Variants in PRUNE2 observed in about 807,000 individuals in gnomAD.
PRUNE2 encodes prune homolog 2 with BCH domain.
PRUNE2 carries 164 observed loss-of-function variants against 252.0 expected under a neutral mutation model. The observed-to-expected ratio is 0.65, with a 90% CI of 0.57 to 0.74. The LOEUF is 0.74. Among genes scored for constraint, PRUNE2 ranks in the 30% least tolerant of loss-of-function variants. The probability of loss-of-function intolerance (pLI) is 0.00; values close to 1 mark genes in which losing one functional copy is unlikely to be tolerated. For synonymous variants in PRUNE2, 1,292 were observed against 1,350.2 expected (o/e 0.96, Z 0.94); for missense variants, 3,495 against 3,711.0 (o/e 0.94, Z 1.51).
intron 9 of PRUNE2, among the ~76,000 whole-genome samples, chr9:76,674,627 C>T (rs2134025587): frequency 6.7e-6 from 1 of 148,732 alleles, no homozygotes; most frequent in East Asian, 2.0e-4. Context: ...GCCAAAAGAA[C>T]AAAGCTGGAG....
intron 6 of PRUNE2, among the ~76,000 whole-genome samples, chr9:76,804,374 T>C (rs1159739818): frequency 6.6e-6 from 1 of 152,204 alleles, no homozygotes; most frequent in Admixed American, 6.5e-5. Flanking sequence ...TCTTTTCTAT[T>C]TCCAAATTCC....
At chr9:76,675,972 G>C (rs1458158274) in intron 9 of PRUNE2, among the ~76,000 whole-genome samples, 1 of 146,772 alleles carries the variant, frequency 6.8e-6, no homozygotes, top group African/African-American at 2.5e-5. Context: ...GCTAGATGAC[G>C]AGTTAGTGGG....
intron 1 of PRUNE2, among the ~76,000 whole-genome samples, chr9:76,874,364 G>A (rs113923161): frequency 0.017 from 2,650 of 152,240 alleles, 46 homozygotes; most frequent in African/African-American, 0.04. Context: ...ATGAAAGCAT[G>A]TTGGGGAGTC....
intron 9 of PRUNE2, among the ~76,000 whole-genome samples, chr9:76,658,446 T>C (rs981809550): frequency 4.6e-5 from 7 of 152,138 alleles, no homozygotes; most frequent in Admixed American, 6.5e-5. Flanking sequence ...TAGAAGCAAA[T>C]CTAAGAGAAA....
chr9:76,775,472 G>GTT lies in PRUNE2; in HGVS notation c.756+48158_756+48159dup, dbSNP rs11394055. ...CTACCATGCCCAGCTAATTTTTGTG[G>GTT]TTTTTTTTTGTAGAGATGGGATCTC... On this transcript the variant is annotated intron_variant, in intron 6 of 18. Coordinates refer to ENST00000376718, the MANE Select transcript of PRUNE2 (RefSeq NM_015225.3). 3.4e-3 allele frequency among the ~76,000 whole-genome samples: 514 copies of GTT among 150,614 alleles called. 5 individuals are homozygous for GTT. Among genetic ancestry groups the GTT allele is most frequent in the African/African-American group, 0.012 (478 of 41,016 alleles).
chr9:76,681,265 T>C (rs964865133), intron 9 of PRUNE2, among the ~76,000 whole-genome samples: 4 of 152,028 alleles, frequency 2.6e-5, no homozygotes, highest in Non-Finnish European at 4.4e-5. Context: ...GAAAGTAGAA[T>C]GGTGGTTGCC....
chr9:76,659,261 T>C (rs560309107), intron 9 of PRUNE2, among the ~76,000 whole-genome samples: 1 of 152,254 alleles, frequency 6.6e-6, no homozygotes, highest in East Asian at 1.9e-4. Context: ...AAGGGAATAT[T>C]TGACTTATGC....
At chr9:76,899,969 G>C (rs1179368485) in intron 1 of PRUNE2, among the ~76,000 whole-genome samples, 2 of 152,206 alleles carry the variant, frequency 1.3e-5, no homozygotes, top group East Asian at 3.9e-4. Flanking sequence ...TTTTAAGGGA[G>C]GGGTAGGAAA....
chr9:76,805,494 T>C (rs899795182), intron 6 of PRUNE2, among the ~76,000 whole-genome samples: 2 of 151,782 alleles, frequency 1.3e-5, no homozygotes, highest in African/African-American at 4.8e-5. Context: ...ACTCAGAAGG[T>C]TGAGGTGGGA....
At chr9:76,806,407 A>G (rs1442853192) in intron 6 of PRUNE2, among the ~76,000 whole-genome samples, 1 of 152,156 alleles carries the variant, frequency 6.6e-6, no homozygotes, top group Non-Finnish European at 1.5e-5. Flanking sequence ...GAAAGACTCT[A>G]AGGTTTTCTG....
rs1057379838 is a variant in PRUNE2, at chr9:76,707,573, C to T, written c.4701G>A (p.Gly1567=). 9.3e-6 allele frequency: 15 copies of T among 1,613,782 alleles called. No homozygotes were observed. The African/African-American group carries it at 1.1e-4, about 11-fold the overall frequency. ...AGTTGCCTTGGTTTTCTTCTTGATA[C>T]CCAGAACTGGGTTGCTGGCCCCAGG... ...LSSWGQQPSS[G]YQEENQGNWS... The change falls in exon 8 of 19, where the codon GGG becomes GGA. Residue 1567 remains glycine, a synonymous_variant. Transcript: ENST00000376718.
At position 76,707,805 on chromosome 9, in the gene PRUNE2, T is replaced by G; in HGVS notation, c.4469A>C (p.Asp1490Ala). The G allele has an allele frequency of 6.2e-7, 1 of 1,613,342 alleles. No individual in the cohort carries two copies. The highest frequency in any genetic ancestry group is 8.5e-7 in the Non-Finnish European group (1 of 1,179,608). ...ACTGTCTATAGGGACGTCCCCAAAA[T>G]CAAGACTTCGGGGAACTCTGTGAGG... ...GPPHRVPRSL[D>A]FGDVPIDSDV... Residue 1490 changes from aspartate (D) to alanine (A), a missense_variant, in exon 8 of 19, where the codon GAT becomes GCT. Coordinates refer to ENST00000376718, the MANE Select transcript of PRUNE2 (RefSeq NM_015225.3).
At chr9:76,794,613 C>CAAA (rs11358425) in intron 6 of PRUNE2, among the ~76,000 whole-genome samples, 2 of 67,890 alleles carry the variant, frequency 2.9e-5, no homozygotes, top group Non-Finnish European at 6.5e-5. Flanking sequence ...GACTCTGTCT[C>CAAA]AAAAAAAAAA....
Position 76,710,380 on chromosome 9 carries a change from C to T in PRUNE2, c.1894G>A (p.Glu632Lys), listed in dbSNP as rs2046632448. Residue 632 changes from glutamate (E) to lysine (K), a missense_variant, in exon 8 of 19, where the codon GAA (glutamate) becomes AAA (lysine). Glu to Lys is a moderately conservative substitution (Grantham distance 56). Transcript: ENST00000376718. The part of the protein sequence containing the change: ...STEEPASLYT[E>K]DMTQKATDTG... ...TCAGTTGCTTTTTGGGTCATATCTT[C>T]TGTATAGAGTGAGGCTGGTTCTTCA... 3.1e-6 allele frequency: 5 copies of T among 1,613,980 alleles called. No individual in the cohort carries two copies. Among genetic ancestry groups the T allele is most frequent in the Non-Finnish European group, 4.2e-6 (5 of 1,179,884 alleles).
intron 1 of PRUNE2, among the ~76,000 whole-genome samples, chr9:76,878,959 T>C (rs1383268395): frequency 2.6e-5 from 4 of 152,220 alleles, no homozygotes; most frequent in African/African-American, 4.8e-5. Flanking sequence ...AAATCTTACA[T>C]TGGAATAGCT....
intron 1 of PRUNE2, among the ~76,000 whole-genome samples, chr9:76,879,508 T>G (rs146717384): frequency 2.2e-4 from 34 of 152,174 alleles, no homozygotes; most frequent in African/African-American, 7.7e-4. Flanking sequence ...TTATGTAGCT[T>G]ATATTCTAAT....
intron 6 of PRUNE2, among the ~76,000 whole-genome samples, chr9:76,772,993 C>T (rs1411036911): frequency 1.3e-5 from 2 of 152,158 alleles, no homozygotes; most frequent in Non-Finnish European, 2.9e-5. Context: ...TGTATGTTTC[C>T]TCCAAAACCT....
At chr9:76,714,204 T>C (rs1225584893) in intron 6 of PRUNE2, among the ~76,000 whole-genome samples, 2 of 148,878 alleles carry the variant, frequency 1.3e-5, no homozygotes, top group Non-Finnish European at 3.0e-5. Flanking sequence ...CTGGGTGATC[T>C]TTATTCCAGT....
At position 76,854,126 on chromosome 9, in the gene PRUNE2, G is replaced by A; in HGVS notation, c.119C>T (p.Thr40Ile). ...CACCTTGTCTAGAAAGTAAGCATATGTGAAGGTAGAAATGAGAGAATCCAA... is the reference window on the plus strand; with the variant it reads ...CACCTTGTCTAGAAAGTAAGCATATATGAAGGTAGAAATGAGAGAATCCAA... Reference protein sequence around the residue: ...CDLDSLISTFTYAYFLDKVSP... With the variant: ...CDLDSLISTFIYAYFLDKVSP... Residue 40 changes from threonine to isoleucine, a missense_variant, in exon 2 of 19, where the codon ACA becomes ATA. Thr to Ile is a moderately conservative substitution (Grantham distance 89). Transcript: ENST00000376718. The A allele has an allele frequency of 1.3e-6, 2 of 1,592,942 alleles. No individual in the cohort carries two copies. Among genetic ancestry groups the A allele is most frequent in the Non-Finnish European group, 1.7e-6 (2 of 1,163,906 alleles).
Sources: allele counts gnomAD v4.1 joint callset (sites outside exome capture counted in the v4.1 genomes callset), GRCh38; gene constraint gnomAD v4.1.1; transcripts MANE v1.5; gene names NCBI Gene and HGNC (gene_info 2026-07-23, HGNC 2026-07-21).